Variants in C11orf54 observed in about 807,000 individuals in gnomAD.
C11orf54 encodes beta-keto-L-gulonate decarboxylase.
Under a neutral mutation model 35.5 loss-of-function variants are expected in C11orf54, and 29 were observed. The ratio of observed to expected loss-of-function variants is 0.82; its 90% CI spans 0.61 to 1.11. C11orf54 has a LOEUF of 1.11. Ranked by LOEUF, C11orf54 falls within the 50% of genes most tolerant of loss-of-function variation. The pLI is 0.00. For synonymous variants in C11orf54, 108 were observed against 121.1 expected, an observed-to-expected ratio of 0.89 and a Z score of 0.71; for missense variants, 373 against 369.2, an observed-to-expected ratio of 1.01 and a Z score of -0.08.
At chr11:93,761,391 T>G in intron 8 of C11orf54, 124 bp from the exon 9 acceptor site, 2 of 865,030 alleles carry the variant, frequency 2.3e-6, no homozygotes, top group Non-Finnish European at 3.4e-6. Context: ...CCTTTGAATT[T>G]AGAACATGTG....
intron 8 of C11orf54, among the ~76,000 whole-genome samples, chr11:93,761,298 C>T (rs1407387725): frequency 1.3e-5 from 2 of 152,148 alleles, no homozygotes; most frequent in Admixed American, 6.5e-5. Flanking sequence ...AAAATGCTTA[C>T]ACTGGTTACC....
At chr11:93,751,821 T>G (rs1942848691) in intron 3 of C11orf54, among the ~76,000 whole-genome samples, 1 of 23,972 alleles carries the variant, frequency 4.2e-5, no homozygotes, top group South Asian at 1.3e-3. Flanking sequence ...ATGGTTAATC[T>G]TTTTTTTTTT....
intron 6 of C11orf54, among the ~76,000 whole-genome samples, chr11:93,756,144 G>C (rs1389972133): frequency 1.5e-5 from 1 of 68,864 alleles, no homozygotes; most frequent in African/African-American, 4.3e-5. Context: ...TCCAGCCTGG[G>C]CAACAAAGCA....
chr11:93,743,718 G>A (rs1942292033), intron 1 of C11orf54, among the ~76,000 whole-genome samples: 3 of 152,208 alleles, frequency 2.0e-5, no homozygotes, highest in Admixed American at 1.3e-4. Flanking sequence ...TTGAGAGAAC[G>A]TCTGCACAGT....
chr11:93,755,545 G>A (rs1410767238), intron 6 of C11orf54, among the ~76,000 whole-genome samples, 159 bp downstream of exon 6: 1 of 152,096 alleles, frequency 6.6e-6, no homozygotes, highest in Non-Finnish European at 1.5e-5. Context: ...GAGGTCAGGA[G>A]TTCAAGACCA....
intron 7 of C11orf54, 31 bp from the exon 8 acceptor site, chr11:93,759,711 T>G (rs1464741496): frequency 8.4e-7 from 1 of 1,187,484 alleles, no homozygotes; most frequent in Non-Finnish European, 1.2e-6. Context: ...ATATTCAGTA[T>G]GTTTACCTAT....
intron 2 of C11orf54, 101 bp downstream of exon 2, chr11:93,747,549 C>CAA: frequency 1.8e-6 from 1 of 551,966 alleles, no homozygotes; most frequent in Non-Finnish European, 2.8e-6. Flanking sequence ...TTATGTATAT[C>CAA]TATATCTTAC....
chr11:93,757,130 G>A (rs1419988876), intron 6 of C11orf54, among the ~76,000 whole-genome samples, 186 bp from the exon 7 acceptor site: 1 of 152,120 alleles, frequency 6.6e-6, no homozygotes, highest in African/African-American at 2.4e-5. Flanking sequence ...AAGTATGTGT[G>A]TGTGTGTGTG....
intron 1 of C11orf54, among the ~76,000 whole-genome samples, chr11:93,742,372 T>C (rs1942143670): frequency 6.6e-6 from 1 of 151,708 alleles, no homozygotes; most frequent in Non-Finnish European, 1.5e-5. Flanking sequence ...CAACATCTGC[T>C]TCCCGGGTTC....
chr11:93,744,706 C>A (rs1472131191), intron 1 of C11orf54, among the ~76,000 whole-genome samples: 1 of 152,188 alleles, frequency 6.6e-6, no homozygotes, highest in African/African-American at 2.4e-5. Context: ...CTGAAGGGGG[C>A]CTGCCCCTCC....
intron 8 of C11orf54, among the ~76,000 whole-genome samples, chr11:93,760,431 C>A (rs931531189): frequency 6.6e-6 from 1 of 152,084 alleles, no homozygotes; most frequent in South Asian, 2.1e-4. Flanking sequence ...TGGTCACATG[C>A]CCCAGTATTC....
At chr11:93,755,486 G>A in intron 6 of C11orf54, 100 bp downstream of exon 6, 8 of 1,380,820 alleles carry the variant, frequency 5.8e-6, no homozygotes, top group Non-Finnish European at 7.8e-6. Flanking sequence ...AAGAAAATTA[G>A]TTTCCCACTT....
At chr11:93,744,660 T>G (rs939708697) in intron 1 of C11orf54, among the ~76,000 whole-genome samples, 6 of 152,254 alleles carry the variant, frequency 3.9e-5, no homozygotes, top group Non-Finnish European at 5.9e-5. Flanking sequence ...TTAAACTGTC[T>G]CATTCCTGAA....
chr11:93,755,650 G>C (rs187466615), intron 6 of C11orf54, among the ~76,000 whole-genome samples: 2 of 151,704 alleles, frequency 1.3e-5, no homozygotes, highest in East Asian at 1.9e-4. Flanking sequence ...TACTCGGGGG[G>C]GCTGAGGTGA....
intron 2 of C11orf54, among the ~76,000 whole-genome samples, chr11:93,749,036 C>T (rs1345261120): frequency 6.7e-6 from 1 of 149,414 alleles, no homozygotes; most frequent in African/African-American, 2.5e-5. Context: ...CCCAGCTACT[C>T]GGGAGGCTGA....
rs1942523773 is a variant in C11orf54 at position 93,747,301 on chromosome 11, G to A, written c.-93G>A. 2.1e-6 allele frequency: 2 copies of A among 939,058 alleles called. No homozygotes were observed. The highest frequency in any genetic ancestry group is 3.1e-6 in the Non-Finnish European group (2 of 636,456). 58.2% of individuals were successfully genotyped at this position (939,058 alleles called of 1,614,324 possible). A position where few individuals can be genotyped will look rare whatever the true frequency, so the allele number is the denominator to read the frequency against. On this transcript the variant is annotated 5_prime_UTR_variant, in exon 2 of 9. Coordinates refer to ENST00000354421, the MANE Select transcript of C11orf54 (RefSeq NM_001286069.2). Reference sequence around the variant, plus strand: ...ATGCTCAATGTTCATTTCCAGAACAGAAACTGTTCATACTTGGTGCGCTGT... The same window carrying A: ...ATGCTCAATGTTCATTTCCAGAACAAAAACTGTTCATACTTGGTGCGCTGT...
chr11:93,761,188 C>T (rs1943445719), intron 8 of C11orf54, among the ~76,000 whole-genome samples: 1 of 151,900 alleles, frequency 6.6e-6, no homozygotes, highest in Admixed American at 6.6e-5. Flanking sequence ...GATCTCAAAA[C>T]TATATTGTTA....
At chr11:93,755,141 G>T (rs1943061795) in intron 5 of C11orf54, 69 bp from the exon 6 acceptor site, 1 of 1,443,976 alleles carries the variant, frequency 6.9e-7, no homozygotes, top group South Asian at 1.2e-5. Context: ...TAAATGTTTT[G>T]TAACATTATT....
chr11:93,753,883 C>T (rs559505695), intron 4 of C11orf54, 53 bp from the exon 5 acceptor site: 2 of 1,572,160 alleles, frequency 1.3e-6, no homozygotes, highest in African/African-American at 2.7e-5. Flanking sequence ...AAAAGGTAAA[C>T]CAGGGACTTT....
Sources: gnomAD v4.1 joint callset for allele counts (sites outside exome capture counted in the v4.1 genomes callset) on GRCh38, gnomAD v4.1.1 for gene constraint, MANE v1.5 for transcripts, NCBI Gene and HGNC (gene_info 2026-07-23, HGNC 2026-07-21) for gene names.